Variants in NPFFR2 observed in about 807,000 individuals in gnomAD.
The protein encoded by NPFFR2 is neuropeptide FF receptor 2.
A neutral mutation model predicts 13.1 loss-of-function variants in NPFFR2; 15 were observed. The observed-to-expected ratio is 1.15, with a 90% confidence interval of 0.77 to 1.76. NPFFR2 has a LOEUF of 1.76. Ranked by LOEUF, NPFFR2 falls within the 40% of genes most tolerant of loss-of-function variation. NPFFR2 has a pLI of 0.00. For missense variants in NPFFR2, 572 were observed against 503.5 expected, an observed-to-expected ratio of 1.14 and a Z score of -1.30; for synonymous variants, 190 against 175.7, an observed-to-expected ratio of 1.08 and a Z score of -0.65.
chr4:72,090,457 G>A (rs79116120), intron 1 of NPFFR2, among the ~76,000 whole-genome samples: 181 of 151,966 alleles, frequency 1.2e-3, no homozygotes, highest in Middle Eastern at 3.4e-3. Context: ...ATCCATGAGC[G>A]TGAGATGTGT....
At chr4:72,113,550 C>CT (rs572997490) in intron 1 of NPFFR2, among the ~76,000 whole-genome samples, 83 of 152,194 alleles carry the variant, frequency 5.5e-4, no homozygotes, top group Middle Eastern at 3.4e-3. Flanking sequence ...TTTTTATATA[C>CT]TTTTTATTGC....
chr4:72,125,038 A>G (rs1452062227), intron 1 of NPFFR2, among the ~76,000 whole-genome samples: 1 of 152,240 alleles, frequency 6.6e-6, no homozygotes, highest in Non-Finnish European at 1.5e-5. Flanking sequence ...CCATCTGACA[A>G]AGGGCTAATA....
intron 1 of NPFFR2, among the ~76,000 whole-genome samples, chr4:72,052,345 G>A (rs1355782512): frequency 9.8e-5 from 13 of 132,814 alleles, no homozygotes; most frequent in South Asian, 5.4e-4. Flanking sequence ...TTCAATATAT[G>A]CAAATCAATA....
intron 1 of NPFFR2, among the ~76,000 whole-genome samples, chr4:72,049,618 C>CTAA (rs1247095344): frequency 1.3e-5 from 2 of 151,986 alleles, no homozygotes; most frequent in South Asian, 2.1e-4. Context: ...GATTTGGCAA[C>CTAA]TAAGAGATCA....
intron 1 of NPFFR2, among the ~76,000 whole-genome samples, chr4:72,095,926 T>G (rs1721058812): frequency 6.6e-6 from 1 of 152,234 alleles, no homozygotes; most frequent in South Asian, 2.1e-4. Flanking sequence ...TTTCCAACTC[T>G]CAGTCATGAG....
At chr4:72,135,819 T>G (rs879597386) in intron 2 of NPFFR2, among the ~76,000 whole-genome samples, 1 of 84,896 alleles carries the variant, frequency 1.2e-5, no homozygotes, top group Non-Finnish European at 3.5e-5. Flanking sequence ...TTTTAATTTG[T>G]TTTTTTTTTA....
intron 1 of NPFFR2, among the ~76,000 whole-genome samples, chr4:72,080,662 A>G (rs576212077): frequency 1.3e-5 from 2 of 152,166 alleles, no homozygotes; most frequent in Admixed American, 6.5e-5. Context: ...AATTTGTTCT[A>G]GTGTCAACTG....
chr4:72,092,703 C>T (rs1578449779), intron 1 of NPFFR2, among the ~76,000 whole-genome samples: 1 of 85,616 alleles, frequency 1.2e-5, no homozygotes, highest in Non-Finnish European at 3.3e-5. Flanking sequence ...CTTTTTATAC[C>T]CCTTTACCTT....
chr4:72,054,405 A>G (rs1719682393), intron 1 of NPFFR2, among the ~76,000 whole-genome samples: 1 of 151,974 alleles, frequency 6.6e-6, no homozygotes, highest in African/African-American at 2.4e-5. Flanking sequence ...TTCAATAAAT[A>G]GTACTGGAAC....
chr4:72,093,233 C>T (rs1720962842), intron 1 of NPFFR2, among the ~76,000 whole-genome samples: 3 of 152,180 alleles, frequency 2.0e-5, no homozygotes, highest in South Asian at 2.1e-4. Flanking sequence ...TATAGTTTAC[C>T]TTATGCTTTT....
In NPFFR2 at chr4:72,141,631, G is replaced by T. The variant is rs536140374; in HGVS notation, c.428+3492G>T. On this transcript the variant is annotated intron_variant, in intron 3 of 3. Transcript: ENST00000308744. ...TGCACTGTGGTCTGAGTGACAGTTT[G>T]TTGTGATTTCTGTTCTTTTACATTT... Among the ~76,000 whole-genome samples the T allele has an allele frequency of 3.9e-5, 6 of 152,300 alleles. No homozygotes were observed. The East Asian group carries it at 5.8e-4, about 15-fold the overall frequency.
intron 1 of NPFFR2, among the ~76,000 whole-genome samples, chr4:72,079,308 A>AT (rs973612568): frequency 1.3e-5 from 2 of 151,958 alleles, no homozygotes; most frequent in African/African-American, 2.4e-5. Flanking sequence ...TTCGTCTTCT[A>AT]TTTTTTTTAG....
chr4:72,143,939 C>T (rs1722703776), intron 3 of NPFFR2, among the ~76,000 whole-genome samples: 1 of 152,166 alleles, frequency 6.6e-6, no homozygotes, highest in Admixed American at 6.6e-5. Flanking sequence ...TCCCTCGTTA[C>T]CTACCTTCCC....
chr4:72,089,204 C>T (rs1214386767), intron 1 of NPFFR2, among the ~76,000 whole-genome samples: 2 of 151,970 alleles, frequency 1.3e-5, no homozygotes, highest in African/African-American at 4.8e-5. Flanking sequence ...TATATATGTA[C>T]CACATTTTCT....
chr4:72,136,269 G>A (rs1477984127), intron 2 of NPFFR2, among the ~76,000 whole-genome samples: 1 of 152,074 alleles, frequency 6.6e-6, no homozygotes, highest in African/African-American at 2.4e-5. Context: ...GAGGTAGGAG[G>A]ATGGCTTGAG....
chr4:72,039,673 C>A (rs1270049422), intron 1 of NPFFR2, among the ~76,000 whole-genome samples: 5 of 152,118 alleles, frequency 3.3e-5, no homozygotes, highest in Admixed American at 3.3e-4. Flanking sequence ...GATAAACATT[C>A]ACTTTGTTTC....
intron 1 of NPFFR2, among the ~76,000 whole-genome samples, chr4:72,083,086 T>G (rs1027132287): frequency 6.6e-6 from 1 of 151,648 alleles, no homozygotes; most frequent in African/African-American, 2.4e-5. Context: ...ACAGATAAAT[T>G]GATAAAAAGT....
At chr4:72,123,188 A>T (rs1028323841) in intron 1 of NPFFR2, among the ~76,000 whole-genome samples, 1 of 152,214 alleles carries the variant, frequency 6.6e-6, no homozygotes, top group African/African-American at 2.4e-5. Context: ...ATTCCTGGAC[A>T]CATACACCCT....
At chr4:72,125,468 C>T (rs574285964) in intron 1 of NPFFR2, among the ~76,000 whole-genome samples, 10 of 152,244 alleles carry the variant, frequency 6.6e-5, no homozygotes, top group African/African-American at 1.7e-4. Context: ...CCTATTAGTG[C>T]GGTACCAAGT....
Sources: gnomAD v4.1 joint callset for allele counts (sites outside exome capture counted in the v4.1 genomes callset) on GRCh38, gnomAD v4.1.1 for gene constraint, MANE v1.5 for transcripts, NCBI Gene and HGNC (gene_info 2026-07-23, HGNC 2026-07-21) for gene names.